Variants in DTL observed in about 807,000 individuals in gnomAD.
DTL encodes denticleless protein homolog.
Under a neutral mutation model 87.0 loss-of-function variants are expected in DTL, and 46 were observed. That is an observed-to-expected ratio of 0.53 (90% CI 0.42 to 0.68). DTL has a LOEUF of 0.68. Among genes scored for constraint, DTL ranks in the 30% least tolerant of loss-of-function variants. The pLI is 0.00. For missense variants in DTL, 737 were observed against 869.4 expected (o/e 0.85, Z 1.91); for synonymous variants, 308 against 311.2 (o/e 0.99, Z 0.11).
intron 13 of DTL, among the ~76,000 whole-genome samples, chr1:212,086,800 T>C (rs1185967510): frequency 1.3e-5 from 2 of 152,256 alleles, no homozygotes; most frequent in African/African-American, 2.4e-5. Context: ...TTGTTTCAAA[T>C]ATTTTAAAAC....
intron 10 of DTL, among the ~76,000 whole-genome samples, chr1:212,069,459 C>A (rs1025393716): frequency 1.3e-5 from 2 of 152,022 alleles, no homozygotes; most frequent in African/African-American, 4.8e-5. Context: ...ACCCAGTTTC[C>A]ACTAAAGTAA....
chr1:212,084,873 G>A (rs1380591456), intron 13 of DTL, among the ~76,000 whole-genome samples: 3 of 152,140 alleles, frequency 2.0e-5, no homozygotes, highest in Non-Finnish European at 2.9e-5. Flanking sequence ...ATCCATGGGG[G>A]ATTGGATCCA....
chr1:212,096,704 T>C (rs1048877815), intron 13 of DTL, among the ~76,000 whole-genome samples: 3 of 152,232 alleles, frequency 2.0e-5, no homozygotes, highest in Non-Finnish European at 4.4e-5. Context: ...GGAGTTGACT[T>C]CCAATTTTAT....
At chr1:212,100,207 T>C (rs775522311) in intron 13 of DTL, 45 bp from the exon 14 acceptor site, 1 of 1,430,478 alleles carries the variant, frequency 7.0e-7, no homozygotes, top group Non-Finnish European at 9.5e-7. Flanking sequence ...AGGGACTTTG[T>C]ATGGCTTTCA....
chr1:212,091,098 A>G (rs1377722101), intron 13 of DTL, among the ~76,000 whole-genome samples: 1 of 152,212 alleles, frequency 6.6e-6, no homozygotes, highest in Non-Finnish European at 1.5e-5. Flanking sequence ...AATGTTCACA[A>G]TATATTAAGA....
intron 5 of DTL, among the ~76,000 whole-genome samples, chr1:212,061,865 A>G (rs926342796): frequency 5.9e-5 from 9 of 152,160 alleles, no homozygotes; most frequent in African/African-American, 2.2e-4. Flanking sequence ...AGTGGGTGTG[A>G]GGGGGGAATG....
intron 10 of DTL, among the ~76,000 whole-genome samples, chr1:212,070,674 C>T (rs957070730): frequency 1.3e-5 from 2 of 150,520 alleles, no homozygotes; most frequent in Non-Finnish European, 3.0e-5. Context: ...AATTACTTGT[C>T]CTTTTCAAAA....
intron 5 of DTL, among the ~76,000 whole-genome samples, chr1:212,054,160 C>A (rs1028919211): frequency 9.2e-5 from 14 of 152,102 alleles, no homozygotes; most frequent in Non-Finnish European, 1.6e-4. Flanking sequence ...CTTTCAGTTT[C>A]TCTTGCCCAT....
At chr1:212,037,642 T>G (rs143572147) in intron 1 of DTL, among the ~76,000 whole-genome samples, 152 of 152,330 alleles carry the variant, frequency 1.0e-3, no homozygotes, top group African/African-American at 3.6e-3. Context: ...TCAAAGTACT[T>G]TTAATATTAA....
At chr1:212,045,678 A>G (rs554529613) in intron 3 of DTL, among the ~76,000 whole-genome samples, 3 of 152,368 alleles carry the variant, frequency 2.0e-5, no homozygotes, top group Non-Finnish European at 4.4e-5. Context: ...GGATTATGGT[A>G]TTTAGACCAG....
chr1:212,067,975 T>C (rs923128682), intron 8 of DTL, among the ~76,000 whole-genome samples: 4 of 152,196 alleles, frequency 2.6e-5, no homozygotes, highest in Non-Finnish European at 4.4e-5. Context: ...TTTTCCGTTC[T>C]CTTAGAGTAA....
intron 11 of DTL, among the ~76,000 whole-genome samples, chr1:212,075,434 A>C (rs1244362161): frequency 3.3e-5 from 5 of 152,154 alleles, no homozygotes; most frequent in Non-Finnish European, 4.4e-5. Context: ...TCGCCTTCCT[A>C]CTTAAAAGGG....
intron 5 of DTL, among the ~76,000 whole-genome samples, chr1:212,050,646 C>T (rs1667943645): frequency 6.6e-6 from 1 of 152,204 alleles, no homozygotes; most frequent in Non-Finnish European, 1.5e-5. Flanking sequence ...CTTCCCAAGA[C>T]CTTCCACCAT....
At chr1:212,062,749 A>G (rs932151058) in intron 5 of DTL, 135 bp from the exon 6 acceptor site, 39 of 631,136 alleles carry the variant, frequency 6.2e-5, no homozygotes, top group Non-Finnish European at 9.9e-5. Context: ...TGAGCCATAT[A>G]TTTTTAAATG....
chr1:212,040,582 T>C (rs924356782), intron 1 of DTL, among the ~76,000 whole-genome samples: 11 of 152,252 alleles, frequency 7.2e-5, no homozygotes, highest in Admixed American at 6.5e-4. Flanking sequence ...TGTGAGATGA[T>C]ATAATACCTA....
At chr1:212,088,502 G>A (rs1412266349) in intron 13 of DTL, among the ~76,000 whole-genome samples, 1 of 152,194 alleles carries the variant, frequency 6.6e-6, no homozygotes, top group Non-Finnish European at 1.5e-5. Context: ...TAAACAAGGG[G>A]CTCTGAGAAC....
At position 212,101,070 on chromosome 1, in the gene DTL, A is replaced by ACATTGCC. The variant is rs768095355; in HGVS notation, c.2080_2081insCATTGCC (p.Lys694ThrfsTer24). The ACATTGCC allele has an allele frequency of 1.4e-5, 23 of 1,607,812 alleles. No homozygotes were observed. The highest frequency in any genetic ancestry group is 2.0e-5 in the Non-Finnish European group (23 of 1,177,068). ...CAATTCCAGGAGACAGAGCGGAAAG[A>ACATTGCC]AATTGCCAAGCCCGGTAAGTCAGCA... On this transcript the variant is annotated frameshift_variant, in exon 14 of 15. Transcript: ENST00000366991. LOFTEE classifies it high-confidence loss of function.
intron 10 of DTL, among the ~76,000 whole-genome samples, chr1:212,071,060 G>A (rs1370184386): frequency 2.0e-5 from 3 of 152,272 alleles, no homozygotes. Context: ...TATACAAATT[G>A]ATTCATATCC....
intron 7 of DTL, among the ~76,000 whole-genome samples, chr1:212,065,946 C>G (rs965697516): frequency 1.3e-5 from 2 of 152,126 alleles, no homozygotes; most frequent in African/African-American, 4.8e-5. Context: ...ACCTCGTGAG[C>G]CTCCCAAAGT....
Sources: gnomAD v4.1 joint callset for allele counts (sites outside exome capture counted in the v4.1 genomes callset) on GRCh38, gnomAD v4.1.1 for gene constraint, MANE v1.5 for transcripts, NCBI Gene and HGNC (gene_info 2026-07-23, HGNC 2026-07-21) for gene names.